Variants in PLXNA4 observed in about 807,000 individuals in gnomAD.
The protein encoded by PLXNA4 is plexin A4, also known as plexin-A4.
In PLXNA4, 44 loss-of-function variants were observed where a neutral mutation model predicts 191.8. That is an observed-to-expected ratio of 0.23 (90% confidence interval 0.18 to 0.29). The LOEUF is 0.29. PLXNA4 is among the 10% of genes least tolerant of loss of function. PLXNA4 has a pLI of 1.00. For missense variants in PLXNA4, 1,800 were observed against 2,488.8 expected, an observed-to-expected ratio of 0.72 and a Z score of 5.89; for synonymous variants, 1,082 against 1,009.5, an observed-to-expected ratio of 1.07 and a Z score of -1.36.
In PLXNA4 at chr7:132,219,798, T is replaced by C. The variant is rs114655901; in HGVS notation, c.2097+3729A>G. On this transcript the variant is annotated intron_variant, in intron 9 of 31. Transcript: ENST00000321063. ...AGATTATAATATTGTGTTTTTACCA[T>C]GCTTTTTCTATGTTCAGATGTGTTT... is the stretch of plus-strand genomic sequence containing the variant. Among the ~76,000 whole-genome samples, 957 of 152,316 alleles carry C rather than the reference T, an allele frequency of 6.3e-3. 14 individuals are homozygous for C. The highest frequency in any genetic ancestry group is 0.022 in the African/African-American group (907 of 41,560).
intron 1 of PLXNA4, among the ~76,000 whole-genome samples, chr7:132,571,960 A>T (rs1801999626): frequency 6.6e-6 from 1 of 152,144 alleles, no homozygotes; most frequent in African/African-American, 2.4e-5. Context: ...ACAGCCAAGG[A>T]GAAGACTCAT....
intron 2 of PLXNA4, among the ~76,000 whole-genome samples, chr7:132,500,872 C>T (rs1280861962): frequency 2.0e-5 from 3 of 152,190 alleles, no homozygotes; most frequent in Non-Finnish European, 4.4e-5. Flanking sequence ...AAAAGGGAAA[C>T]TGCTTGCCCA....
intron 3 of PLXNA4, among the ~76,000 whole-genome samples, chr7:132,451,320 G>A (rs1180195196): frequency 1.3e-5 from 2 of 152,124 alleles, no homozygotes; most frequent in Admixed American, 6.5e-5. Context: ...CTGCATCCTT[G>A]CCCTGAGGCT....
At chr7:132,160,707 C>T (rs1033782428) in intron 24 of PLXNA4, among the ~76,000 whole-genome samples, 12 of 152,190 alleles carry the variant, frequency 7.9e-5, no homozygotes, top group Non-Finnish European at 1.5e-4. Flanking sequence ...GTGTGTCTCT[C>T]TCCTTCTCGG....
intron 3 of PLXNA4, among the ~76,000 whole-genome samples, chr7:132,418,980 C>A (rs917152531): frequency 6.6e-6 from 1 of 152,174 alleles, no homozygotes; most frequent in African/African-American, 2.4e-5. Context: ...AAACACAGAG[C>A]CTTCTGGGAT....
At chr7:132,163,057 C>T (rs1795997568) in intron 24 of PLXNA4, among the ~76,000 whole-genome samples, 1 of 152,204 alleles carries the variant, frequency 6.6e-6, no homozygotes, top group African/African-American at 2.4e-5. Context: ...CCTCCTCGTT[C>T]CCTTCTGTCT....
intron 2 of PLXNA4, among the ~76,000 whole-genome samples, chr7:132,612,360 A>G (rs1803065652): frequency 6.6e-6 from 1 of 152,130 alleles, no homozygotes; most frequent in Admixed American, 6.5e-5. Context: ...TCTACCTGTC[A>G]AAAGAATGTG....
chr7:132,595,366 G>A (rs1311386636), intron 2 of PLXNA4, among the ~76,000 whole-genome samples: 1 of 152,168 alleles, frequency 6.6e-6, no homozygotes, highest in African/African-American at 2.4e-5. Context: ...GGTATCAGAA[G>A]CCTCTGCATG....
At chr7:132,166,275 G>C (rs1419095835) in intron 22 of PLXNA4, among the ~76,000 whole-genome samples, 1 of 150,254 alleles carries the variant, frequency 6.7e-6, no homozygotes, top group Non-Finnish European at 1.5e-5. Flanking sequence ...TCCCTTGGGA[G>C]CCCTTCTAGA....
intron 4 of PLXNA4, among the ~76,000 whole-genome samples, chr7:132,265,302 A>C (rs1799806850): frequency 6.6e-6 from 1 of 152,226 alleles, no homozygotes; most frequent in South Asian, 2.1e-4. Flanking sequence ...CATACTTTCA[A>C]AAACACTATT....
At chr7:132,456,073 G>A (rs2117328568) in intron 3 of PLXNA4, among the ~76,000 whole-genome samples, 1 of 152,002 alleles carries the variant, frequency 6.6e-6, no homozygotes, top group South Asian at 2.1e-4. Context: ...TATTTCTGGT[G>A]GACATGTTTG....
chr7:132,340,346 A>G (rs1802979140), intron 3 of PLXNA4, among the ~76,000 whole-genome samples: 3 of 152,214 alleles, frequency 2.0e-5, no homozygotes, highest in Non-Finnish European at 1.5e-5. Flanking sequence ...GGATGTGTGA[A>G]AAGAGCAGAG....
rs752083096 is a variant in PLXNA4, at chr7:132,180,679, A to C, written c.3546T>G (p.Thr1182=). 3.1e-6 allele frequency: 5 copies of C among 1,614,144 alleles called. No individual in the cohort carries two copies. The Admixed American group carries it at 8.3e-5, about 27-fold the overall frequency. ...TGCACGGCTTCTCCCCAACCAGCAC[A>C]GTGTAGTTCAGCTTCACGTTGCCCC... ...VAGGNVKLNY[T]VLVGEKPCTV... Residue 1182 remains threonine (T), a synonymous_variant, in exon 19 of 32, where the codon ACT becomes ACG. Transcript: ENST00000321063.
intron 29 of PLXNA4, among the ~76,000 whole-genome samples, chr7:132,142,301 T>G (rs965054580): frequency 5.3e-5 from 8 of 152,140 alleles, no homozygotes; most frequent in African/African-American, 1.9e-4. Flanking sequence ...GCTTACTTCT[T>G]TCCTCTGCTC....
intron 25 of PLXNA4, among the ~76,000 whole-genome samples, chr7:132,151,325 GGAAGAA>G (rs143329864): frequency 1.5e-5 from 1 of 67,860 alleles, no homozygotes; most frequent in Admixed American, 1.3e-4. Context: ...AGGAGGAGGA[GGAAGAA>G]GAAGGAGGAG....
intron 3 of PLXNA4, among the ~76,000 whole-genome samples, chr7:132,327,030 G>A (rs1016954084): frequency 6.7e-5 from 10 of 149,440 alleles, no homozygotes; most frequent in African/African-American, 2.5e-4. Context: ...AGAGAGGAAG[G>A]AAGAAAAGAG....
In PLXNA4 at chr7:132,543,696, G is replaced by A. The variant is rs76296021; in HGVS notation, c.-87+32726C>T. On this transcript the variant is annotated intron_variant, in intron 1 of 31. Transcript: ENST00000321063. ...TTCCAAAACATGGATAAACTTGAATGCTAGGCTAAAAAGGAAGGATCTTTA... is the reference window on the plus strand; with the variant it reads ...TTCCAAAACATGGATAAACTTGAATACTAGGCTAAAAAGGAAGGATCTTTA... 4.5e-4 allele frequency among the ~76,000 whole-genome samples: 68 copies of A among 152,318 alleles called. 2 individuals carry two copies. In the East Asian group the frequency reaches 0.013, roughly 29 times the overall value.
chr7:132,630,389 T>G (rs1212812361), intron 2 of PLXNA4, among the ~76,000 whole-genome samples: 1 of 152,238 alleles, frequency 6.6e-6, no homozygotes, highest in African/African-American at 2.4e-5. Flanking sequence ...TCACTTTGCT[T>G]CTTGGTTTTT....
intron 3 of PLXNA4, among the ~76,000 whole-genome samples, chr7:132,369,191 G>T (rs1481833166): frequency 6.6e-6 from 1 of 152,126 alleles, no homozygotes; most frequent in Non-Finnish European, 1.5e-5. Context: ...TTCCCCTCGG[G>T]CAAAATCAGC....
Sources: gnomAD v4.1 joint callset for allele counts (sites outside exome capture counted in the v4.1 genomes callset) on GRCh38, gnomAD v4.1.1 for gene constraint, MANE v1.5 for transcripts, NCBI Gene and HGNC (gene_info 2026-07-23, HGNC 2026-07-21) for gene names.